FBXL17: variants seen among roughly 807,000 people sequenced by gnomAD.
FBXL17 encodes F-box and leucine rich repeat protein 17.
Under a neutral mutation model 66.2 loss-of-function variants are expected in FBXL17, and 22 were observed. That is an observed-to-expected ratio of 0.33 (90% CI 0.24 to 0.47). FBXL17 has a LOEUF of 0.47. FBXL17 is among the 20% of genes least tolerant of loss of function. The pLI, the probability that FBXL17 is intolerant of heterozygous loss-of-function variation, is 1.00. For synonymous variants in FBXL17, 474 were observed against 400.5 expected (o/e 1.18, Z -2.19); for missense variants, 878 against 948.2 (o/e 0.93, Z 0.97).
chr5:108,095,603 C>A (rs1308964081), intron 6 of FBXL17, among the ~76,000 whole-genome samples: 1 of 151,962 alleles, frequency 6.6e-6, no homozygotes, highest in East Asian at 1.9e-4. Flanking sequence ...ATTTTTGATT[C>A]TTCAACAAAT....
At position 108,381,005 on chromosome 5, in the gene FBXL17, CCCGCCACCGCCG is replaced by C. The variant is rs1561570198; in HGVS notation, c.675_686del (p.Gly228_Gly231del). 4 of 1,193,064 alleles carry C rather than the reference CCCGCCACCGCCG, an allele frequency of 3.4e-6. No homozygotes were observed. Among genetic ancestry groups the C allele is most frequent in the Non-Finnish European group, 4.2e-6 (4 of 963,298 alleles). 73.9% of individuals were successfully genotyped at this position (1,193,064 alleles called of 1,614,324 possible). On this transcript the variant is annotated inframe_deletion, in exon 1 of 9. Coordinates refer to ENST00000542267, the MANE Select transcript of FBXL17 (RefSeq NM_001163315.3). ...AAGCGCCTCCCCCCGCAGGCCCTCC[CCCGCCACCGCCG>C]CCGCCGCCGCCGCCGCAGCCCCCGC...
chr5:108,130,697 C>T (rs1750897599), intron 6 of FBXL17, among the ~76,000 whole-genome samples: 1 of 151,926 alleles, frequency 6.6e-6, no homozygotes, highest in Non-Finnish European at 1.5e-5. Context: ...TAATATCCTA[C>T]TTTATTTTTT....
chr5:107,889,995 G>C (rs1214001785), intron 7 of FBXL17, among the ~76,000 whole-genome samples: 1 of 152,068 alleles, frequency 6.6e-6, no homozygotes, highest in Non-Finnish European at 1.5e-5. Flanking sequence ...TGAGTAGAAT[G>C]TTAGGTTCCC....
intron 4 of FBXL17, among the ~76,000 whole-genome samples, chr5:108,293,030 G>A (rs1758180957): frequency 6.7e-6 from 1 of 148,252 alleles, no homozygotes; most frequent in Non-Finnish European, 1.5e-5. Flanking sequence ...GGAGCTTATA[G>A]TGAGCTGAGA....
At chr5:108,062,891 A>G (rs139251830) in intron 6 of FBXL17, among the ~76,000 whole-genome samples, 246 of 152,276 alleles carry the variant, frequency 1.6e-3, no homozygotes, top group African/African-American at 5.7e-3. Flanking sequence ...TGTAAATAAT[A>G]TGGGTTCATA....
rs34972473 is a variant in FBXL17, at chr5:107,973,843, T to TA, written c.1822+47081dup. On this transcript the variant is annotated intron_variant, in intron 7 of 8. Coordinates refer to ENST00000542267, the MANE Select transcript of FBXL17 (RefSeq NM_001163315.3). ...TATGGTAAAGACTTTGGGGGTAATCTAAAAAAAAAAAAAAAATACACTTAA... is the reference window on the plus strand; with the variant it reads ...TATGGTAAAGACTTTGGGGGTAATCTAAAAAAAAAAAAAAAAATACACTTAA... 3.6e-3 allele frequency among the ~76,000 whole-genome samples: 498 copies of TA among 139,308 alleles called. 1 individual carries two copies. The highest frequency in any genetic ancestry group is 0.016 in the South Asian group (69 of 4,364). The allele number at this position is 139,308 out of a possible 152,430, so 91.4% of individuals were successfully genotyped here.
chr5:108,023,254 C>A (rs1001877731), intron 6 of FBXL17, among the ~76,000 whole-genome samples: 3 of 152,046 alleles, frequency 2.0e-5, no homozygotes, highest in Admixed American at 2.0e-4. Context: ...AACCATACTC[C>A]TTGGAAAACT....
At chr5:107,897,589 C>T (rs530664340) in intron 7 of FBXL17, among the ~76,000 whole-genome samples, 2 of 152,178 alleles carry the variant, frequency 1.3e-5, no homozygotes, top group East Asian at 1.9e-4. Flanking sequence ...GAGTTTAACA[C>T]CAAAGGCATC....
chr5:108,028,245 G>C (rs995871520), intron 6 of FBXL17, among the ~76,000 whole-genome samples: 1 of 152,080 alleles, frequency 6.6e-6, no homozygotes, highest in Non-Finnish European at 1.5e-5. Flanking sequence ...AACATTAATA[G>C]TGAAAACTAG....
intron 4 of FBXL17, among the ~76,000 whole-genome samples, chr5:108,228,210 A>G (rs993221260): frequency 6.6e-6 from 1 of 152,214 alleles, no homozygotes; most frequent in Non-Finnish European, 1.5e-5. Flanking sequence ...AAACACTCTT[A>G]GCAGGCTTGG....
At chr5:108,320,699 A>T (rs1027069598) in intron 4 of FBXL17, among the ~76,000 whole-genome samples, 9 of 151,932 alleles carry the variant, frequency 5.9e-5, no homozygotes, top group Middle Eastern at 3.4e-3. Flanking sequence ...TAAATACGTA[A>T]TTGCTAGATT....
intron 6 of FBXL17, among the ~76,000 whole-genome samples, chr5:108,143,031 T>C (rs1459996141): frequency 7.0e-6 from 1 of 142,816 alleles, no homozygotes; most frequent in African/African-American, 2.5e-5. Flanking sequence ...ATGAACCCTG[T>C]TATGAACTGC....
chr5:107,953,402 C>CA (rs1166788701), intron 7 of FBXL17, among the ~76,000 whole-genome samples: 1,676 of 49,554 alleles, frequency 0.034, 50 homozygotes, highest in African/African-American at 0.075. Context: ...GACTCTCTCT[C>CA]AAAAAAAAAA....
chr5:108,202,553 C>A (rs969440464), intron 5 of FBXL17, among the ~76,000 whole-genome samples: 1 of 152,048 alleles, frequency 6.6e-6, no homozygotes, highest in Non-Finnish European at 1.5e-5. Flanking sequence ...ATCCAAGACT[C>A]CCAGGGGATG....
At chr5:107,918,963 T>C (rs1043002061) in intron 7 of FBXL17, among the ~76,000 whole-genome samples, 1 of 152,232 alleles carries the variant, frequency 6.6e-6, no homozygotes, top group African/African-American at 2.4e-5. Flanking sequence ...TAGTGGACTA[T>C]ACTTTGTGGG....
intron 7 of FBXL17, among the ~76,000 whole-genome samples, chr5:107,969,429 C>A (rs1752284041): frequency 6.6e-6 from 1 of 152,086 alleles, no homozygotes; most frequent in Admixed American, 6.6e-5. Context: ...TTTCAATTAA[C>A]CAGAAACCCA....
intron 4 of FBXL17, among the ~76,000 whole-genome samples, chr5:108,301,128 T>C (rs997999286): frequency 2.0e-5 from 3 of 151,776 alleles, no homozygotes; most frequent in Non-Finnish European, 4.4e-5. Flanking sequence ...TCTGAGCATA[T>C]GAAAATGTAC....
At chr5:108,066,959 C>G (rs1167281025) in intron 6 of FBXL17, among the ~76,000 whole-genome samples, 2 of 151,784 alleles carry the variant, frequency 1.3e-5, no homozygotes, top group Non-Finnish European at 2.9e-5. Flanking sequence ...AAATTTAAAG[C>G]AAAAATACAT....
intron 5 of FBXL17, among the ~76,000 whole-genome samples, chr5:108,187,938 A>G (rs928683812): frequency 5.3e-5 from 8 of 152,278 alleles, no homozygotes; most frequent in Non-Finnish European, 1.0e-4. Context: ...AAAATGTTCT[A>G]TATTTCTGCT....
Sources: gnomAD v4.1 joint callset for allele counts (sites outside exome capture counted in the v4.1 genomes callset) on GRCh38, gnomAD v4.1.1 for gene constraint, MANE v1.5 for transcripts, NCBI Gene and HGNC (gene_info 2026-07-23, HGNC 2026-07-21) for gene names.